The following ERLIN2 variants were observed in gnomAD, a reference collection of about 807,000 sequenced individuals.
ERLIN2 encodes the protein erlin-2.
A neutral mutation model predicts 41.5 loss-of-function variants in ERLIN2; 22 were observed. The observed-to-expected ratio is 0.53, with a 90% CI of 0.38 to 0.76. The LOEUF is 0.76. Ranked by LOEUF, ERLIN2 falls within the 30% of genes least tolerant of loss-of-function variation. The pLI, the probability that ERLIN2 is intolerant of heterozygous loss-of-function variation, is 0.00. For missense variants in ERLIN2, 247 were observed against 414.3 expected (o/e 0.60, Z 3.51); for synonymous variants, 149 against 150.9 (o/e 0.99, Z 0.09).
chr8:37,744,729 A>C (rs1014625565), intron 6 of ERLIN2, 33 bp downstream of exon 6: 2 of 1,613,976 alleles, frequency 1.2e-6, no homozygotes, highest in Non-Finnish European at 1.7e-6. Context: ...TGCCGTGCTT[A>C]AGCAGGGTTC....
chr8:37,753,921 C>T lies in ERLIN2; in HGVS notation c.826C>T (p.Leu276=). 6.2e-7 allele frequency: 1 copy of T among 1,612,348 alleles called. No individual in the cohort carries two copies. The highest frequency in any genetic ancestry group is 8.5e-7 in the Non-Finnish European group (1 of 1,179,038). The part of the protein sequence containing the change: ...MKIAEANKLK[L]TPEYLQLMKY... The stretch of plus-strand genomic sequence containing the variant: ...CTTTTTTTTTTTTTAACAGCTGAAG[C>T]TAACCCCTGAATATCTGCAGCTGAT... Residue 276 remains leucine (L), a synonymous_variant, in exon 12 of 12, where the codon CTA becomes TTA. Transcript: ENST00000519638.
chr8:37,745,209 T>C lies in ERLIN2; in HGVS notation c.424+513T>C, dbSNP rs1585908317. 8 of 444,736 alleles carry C rather than the reference T, an allele frequency of 1.8e-5. No homozygotes were observed. In the East Asian group the frequency reaches 3.0e-4, roughly 17 times the overall value. The allele number at this position is 444,736 out of a possible 1,614,324, so 27.5% of individuals were successfully genotyped here. A position where few individuals can be genotyped will look rare whatever the true frequency, so the allele number is the denominator to read the frequency against. On this transcript the variant is annotated intron_variant, in intron 6 of 11. Coordinates refer to ENST00000519638, the MANE Select transcript of ERLIN2 (RefSeq NM_007175.8). ...ACACTGAATGGAGGGCCCCCAGGAA[T>C]GGGTGATGAAAAAGACATGATTCAT...
rs373529919 is a variant in ERLIN2 at position 37,740,354 on chromosome 8, C to G, written c.108-11C>G. The G allele has an allele frequency of 7.5e-6, 12 of 1,607,442 alleles. No individual in the cohort carries two copies. The African/African-American group carries it at 1.3e-4, about 18-fold the overall frequency. On this transcript the variant is annotated splice_polypyrimidine_tract_variant and intron_variant, in intron 2 of 11. Coordinates refer to ENST00000519638, the MANE Select transcript of ERLIN2 (RefSeq NM_007175.8). ...AACTGAAGCTGCCTCTCTCTTCCCC[C>G]TCCTCTGCAGAGGCGGTGCCCTGCT... is the stretch of plus-strand genomic sequence containing the variant.
In ERLIN2 at chr8:37,741,239, G is replaced by A. The variant is rs1243170834; in HGVS notation, c.190-533G>A. Among the ~76,000 whole-genome samples the A allele has an allele frequency of 6.6e-6, 1 of 152,146 alleles. No individual in the cohort carries two copies. Among genetic ancestry groups the A allele is most frequent in the Non-Finnish European group, 1.5e-5 (1 of 68,038 alleles). ...AGTTACCCACAATAAACCATGGTCTGAAAACAGGTGACTACAGTACAATAA... is the reference window on the plus strand; with the variant it reads ...AGTTACCCACAATAAACCATGGTCTAAAAACAGGTGACTACAGTACAATAA... On this transcript the variant is annotated intron_variant, in intron 3 of 11. Coordinates refer to ENST00000519638, the MANE Select transcript of ERLIN2 (RefSeq NM_007175.8). This position sits in a 1 kb window ranked among gnomAD's most constrained non-coding sequence, Gnocchi z 4.8.
chr8:37,740,395 C>T lies in ERLIN2; in HGVS notation c.138C>T (p.Gly46=), dbSNP rs747353453. Residue 46 remains glycine, a synonymous_variant, in exon 3 of 12, where the codon GGC becomes GGT. Coordinates refer to ENST00000519638, the MANE Select transcript of ERLIN2 (RefSeq NM_007175.8). ...GTGCCCTGCTGACTTCGACCAGCGG[C>T]CCTGGTTTCCATCTCATGCTCCCTT... The part of the protein sequence containing the change: ...RGGALLTSTS[G]PGFHLMLPFI... 2 of 1,613,006 alleles carry T rather than the reference C, an allele frequency of 1.2e-6. No homozygotes were observed. The highest frequency in any genetic ancestry group is 2.2e-5 in the South Asian group (2 of 91,072).
In ERLIN2 at chr8:37,740,386, G is replaced by T; in HGVS notation, c.129G>T (p.Ser43=). Residue 43 remains serine, a synonymous_variant, in exon 3 of 12, where the codon TCG becomes TCT. Coordinates refer to ENST00000519638, the MANE Select transcript of ERLIN2 (RefSeq NM_007175.8). ...GCAGAGGCGGTGCCCTGCTGACTTCGACCAGCGGCCCTGGTTTCCATCTCA... is the reference window on the plus strand; with the variant it reads ...GCAGAGGCGGTGCCCTGCTGACTTCTACCAGCGGCCCTGGTTTCCATCTCA... ...VYYRGGALLT[S]TSGPGFHLML... 1 of 1,612,558 alleles carries T rather than the reference G, an allele frequency of 6.2e-7. No individual in the cohort carries two copies. The highest frequency in any genetic ancestry group is 1.1e-5 in the South Asian group (1 of 91,034).
At chr8:37,740,593 A>AATAT in intron 3 of ERLIN2, 147 bp downstream of exon 3, 1 of 211,046 alleles carries the variant, frequency 4.7e-6, no homozygotes, top group East Asian at 1.4e-4. Flanking sequence ...ATATATATAT[A>AATAT]ATATATATAT....
At chr8:37,747,401 G>C in intron 6 of ERLIN2, 1 of 1,571,222 alleles carries the variant, frequency 6.4e-7, no homozygotes, top group Non-Finnish European at 8.8e-7. Context: ...CATTCAGCCA[G>C]CTCTTGCAGT....
At position 37,754,270 on chromosome 8, in the gene ERLIN2, G is replaced by A; in HGVS notation, c.*155G>A. On this transcript the variant is annotated 3_prime_UTR_variant, in exon 12 of 12. Coordinates refer to ENST00000519638, the MANE Select transcript of ERLIN2 (RefSeq NM_007175.8). ...GAACTTAAATCCACTCCCTTTCTAG[G>A]GAAAGGAGGGTGGGGACTGATGATG... 2.8e-6 allele frequency: 2 copies of A among 708,518 alleles called. No individual in the cohort carries two copies. The highest frequency in any genetic ancestry group is 5.0e-6 in the Non-Finnish European group (2 of 399,662). The allele number at this position is 708,518 out of a possible 1,614,324, so 43.9% of individuals were successfully genotyped here. A position where few individuals can be genotyped will look rare whatever the true frequency, so the allele number is the denominator to read the frequency against.
chr8:37,748,246 A>G (rs1351660558), intron 6 of ERLIN2, among the ~76,000 whole-genome samples: 1 of 152,212 alleles, frequency 6.6e-6, no homozygotes, highest in African/African-American at 2.4e-5. Context: ...TGACAGATAT[A>G]ATTTGGTCTG....
At chr8:37,750,070 G>A (rs1803183694) in intron 8 of ERLIN2, 1 of 644,334 alleles carries the variant, frequency 1.6e-6, no homozygotes, top group Admixed American at 2.4e-5. Flanking sequence ...CTGTAGAGCA[G>A]CGATGTTTTG....
In ERLIN2 at chr8:37,753,994, A is replaced by T. The variant is rs763958615; in HGVS notation, c.899A>T (p.Asp300Val). 1.8e-5 allele frequency: 29 copies of T among 1,613,828 alleles called. No homozygotes were observed. The highest frequency in any genetic ancestry group is 2.5e-5 in the Non-Finnish European group (29 of 1,179,906). Reference sequence around the variant, plus strand: ...AACAGCAAGATTTACTTTGGCAAAGACATTCCTAACATGTTCATGGACTCT... The same window carrying T: ...AACAGCAAGATTTACTTTGGCAAAGTCATTCCTAACATGTTCATGGACTCT... Reference protein sequence around the residue: ...ASNSKIYFGKDIPNMFMDSAG... With the variant: ...ASNSKIYFGKVIPNMFMDSAG... Residue 300 changes from aspartate (D) to valine (V), a missense_variant, in exon 12 of 12, where the codon GAC becomes GTC. By Grantham distance (152) the Asp-to-Val change is radical. Around this residue, in one of 3 missense-constraint regions of ERLIN2, gnomAD observed 153 missense variants for 256.4 expected, o/e 0.60. Transcript: ENST00000519638.
At position 37,741,743 on chromosome 8, in the gene ERLIN2, CTAGCACTT is replaced by C; in HGVS notation, c.190-26_190-19del. ...AAGTTACTTTGTCACTGCCCATCTT[CTAGCACTT>C]TATGTTTCCTCTGTTTCCAGACCAC... On this transcript the variant is annotated intron_variant, in intron 3 of 11. Coordinates refer to ENST00000519638, the MANE Select transcript of ERLIN2 (RefSeq NM_007175.8). This position sits in a 1 kb window ranked among gnomAD's most constrained non-coding sequence, Gnocchi z 4.8. 6.3e-7 allele frequency: 1 copy of C among 1,593,440 alleles called. No individual in the cohort carries two copies. Among genetic ancestry groups the C allele is most frequent in the Non-Finnish European group, 8.6e-7 (1 of 1,161,100 alleles).
Position 37,740,368 on chromosome 8 carries a change from C to T in ERLIN2, c.111C>T (p.Gly37=), listed in dbSNP as rs1351470717. 3.7e-6 allele frequency: 6 copies of T among 1,610,426 alleles called. No homozygotes were observed. Among genetic ancestry groups the T allele is most frequent in the South Asian group, 2.2e-5 (2 of 91,042 alleles). ...EEGHIGVYYR[G]GALLTSTSGP... is the part of the protein sequence containing the mutation. The stretch of plus-strand genomic sequence containing the variant: ...CTCTCTTCCCCCTCCTCTGCAGAGG[C>T]GGTGCCCTGCTGACTTCGACCAGCG... The change falls in exon 3 of 12, where the codon GGC becomes GGT. Residue 37 remains glycine (G), a synonymous_variant. Transcript: ENST00000519638.
intron 6 of ERLIN2, among the ~76,000 whole-genome samples, chr8:37,748,995 A>C (rs1803150163): frequency 6.6e-6 from 1 of 152,178 alleles, no homozygotes; most frequent in Non-Finnish European, 1.5e-5. Context: ...TGTAAATTTT[A>C]ATTTTCCCTT....
rs959212026 is a variant in ERLIN2, at chr8:37,755,436, C to T, written c.*1321C>T. On this transcript the variant is annotated 3_prime_UTR_variant, in exon 12 of 12. Transcript: ENST00000519638. Reference sequence around the variant, plus strand: ...GTAGGGGGTGTCCAACCTGTATAGCCCATGGGTTGTGTCTAGAATTAAGTG... The same window carrying T: ...GTAGGGGGTGTCCAACCTGTATAGCTCATGGGTTGTGTCTAGAATTAAGTG... 1 of 152,074 alleles carries T rather than the reference C, an allele frequency of 6.6e-6. No homozygotes were observed. Among genetic ancestry groups the T allele is most frequent in the Admixed American group, 6.6e-5 (1 of 15,262 alleles). 9.4% of individuals were successfully genotyped at this position (152,074 alleles called of 1,614,324 possible).
chr8:37,747,804 C>T (rs1339974844), intron 6 of ERLIN2: 1 of 1,614,160 alleles, frequency 6.2e-7, no homozygotes, highest in Non-Finnish European at 8.5e-7. Flanking sequence ...TGTTACAAAA[C>T]TTATGGGCAT....
At chr8:37,746,695 T>G in intron 6 of ERLIN2, 1 of 219,112 alleles carries the variant, frequency 4.6e-6, no homozygotes, top group Non-Finnish European at 7.7e-6. Flanking sequence ...GGATCTGAGC[T>G]GTCTTACCCG....
chr8:37,747,168 T>A (rs1282432188), intron 6 of ERLIN2, among the ~76,000 whole-genome samples: 1 of 152,094 alleles, frequency 6.6e-6, no homozygotes, highest in Non-Finnish European at 1.5e-5. Context: ...AGAAAGCAGG[T>A]CAAATGGACT....
Sources: gnomAD v4.1 joint callset for allele counts (sites outside exome capture counted in the v4.1 genomes callset) on GRCh38, gnomAD v4.1.1 for gene constraint, gnomAD v4.1.1 regional missense constraint, Gnocchi (gnomAD v3.1) non-coding constraint, MANE v1.5 for transcripts, NCBI Gene and HGNC (gene_info 2026-07-23, HGNC 2026-07-21) for gene names.